The following COL5A2 variants were observed in gnomAD, a reference collection of about 807,000 sequenced individuals.
The protein encoded by COL5A2 is collagen alpha-2(V) chain.
In COL5A2, 23 loss-of-function variants were observed where a neutral mutation model predicts 208.2. The observed-to-expected ratio is 0.11, with a 90% confidence interval of 0.08 to 0.16. COL5A2 has a LOEUF of 0.16. COL5A2 is among the 10% of genes least tolerant of loss of function. COL5A2 has a pLI of 1.00. For synonymous variants in COL5A2, 625 were observed against 628.5 expected (o/e 0.99, Z 0.08); for missense variants, 1,590 against 1,956.4 (o/e 0.81, Z 3.53).
intron 2 of COL5A2, among the ~76,000 whole-genome samples, chr2:189,107,619 A>G (rs1687176952): frequency 6.6e-6 from 1 of 151,536 alleles, no homozygotes; most frequent in Admixed American, 6.6e-5. Context: ...TGCTAAATGC[A>G]CATACTTTTA....
the COL5A2 span, among the ~76,000 whole-genome samples, chr2:189,413,779 C>A: frequency 7.7e-6 from 1 of 130,464 alleles, no homozygotes; most frequent in Admixed American, 8.6e-5. Flanking sequence ...GCTTCCTTGG[C>A]GTCATTTTTT....
At chr2:189,172,955 C>A (rs1424125628) in intron 1 of COL5A2, among the ~76,000 whole-genome samples, 4 of 142,378 alleles carry the variant, frequency 2.8e-5, no homozygotes, top group South Asian at 2.2e-4. Flanking sequence ...ATATTGTTAA[C>A]ATTTTTCCTC....
chr2:189,386,235 C>G, the COL5A2 span, among the ~76,000 whole-genome samples: 1 of 152,024 alleles, frequency 6.6e-6, no homozygotes, highest in African/African-American at 2.4e-5. Flanking sequence ...AAAAAGACCC[C>G]CTAATCAATA....
the COL5A2 span, among the ~76,000 whole-genome samples, chr2:189,269,428 T>C: frequency 1.3e-5 from 2 of 152,140 alleles, no homozygotes; most frequent in South Asian, 2.1e-4. Flanking sequence ...CTCTAGTTTA[T>C]TGAGAGTTTT....
chr2:189,258,658 G>A, the COL5A2 span, among the ~76,000 whole-genome samples: 1 of 152,168 alleles, frequency 6.6e-6, no homozygotes, highest in Non-Finnish European at 1.5e-5. Context: ...TTGAGTCTGT[G>A]TGGGAGACTT....
Position 189,036,813 on chromosome 2 carries a change from A to C in COL5A2, c.3926-10T>G. ...TCAATCCAGTATTCACCTATTTTTC[A>C]AAATAGAAATTTTACTAAATAAAGA... On this transcript the variant is annotated splice_polypyrimidine_tract_variant and intron_variant, in intron 51 of 53. Transcript: ENST00000374866. The C allele has an allele frequency of 6.3e-7, 1 of 1,599,796 alleles. No homozygotes were observed. Among genetic ancestry groups the C allele is most frequent in the South Asian group, 1.1e-5 (1 of 89,958 alleles).
chr2:189,397,798 A>C, the COL5A2 span, among the ~76,000 whole-genome samples: 1 of 151,810 alleles, frequency 6.6e-6, no homozygotes, highest in African/African-American at 2.4e-5. Flanking sequence ...CTTGTTTTCT[A>C]TTTTATTAAT....
chr2:189,309,793 G>A, the COL5A2 span, among the ~76,000 whole-genome samples: 1 of 152,262 alleles, frequency 6.6e-6, no homozygotes, highest in Non-Finnish European at 1.5e-5. Context: ...CCAGACTTTT[G>A]TCTGTGCTTC....
At chr2:189,275,039 A>C in the COL5A2 span, among the ~76,000 whole-genome samples, 1 of 152,102 alleles carries the variant, frequency 6.6e-6, no homozygotes, top group African/African-American at 2.4e-5. Context: ...TCTAGAAAAA[A>C]GGATCCTTAA....
intron 24 of COL5A2, 123 bp from the exon 25 acceptor site, chr2:189,064,778 T>C (rs1197092866): frequency 2.3e-6 from 2 of 853,316 alleles, no homozygotes; most frequent in Non-Finnish European, 3.9e-6. Flanking sequence ...GGCACTGATA[T>C]AACGTATAAA....
At chr2:189,144,976 T>C (rs928072093) in intron 1 of COL5A2, among the ~76,000 whole-genome samples, 1 of 152,158 alleles carries the variant, frequency 6.6e-6, no homozygotes, top group Admixed American at 6.6e-5. Context: ...GTTCCAATGA[T>C]CCTTTCTGAA....
At chr2:189,337,752 T>C in the COL5A2 span, among the ~76,000 whole-genome samples, 2 of 150,046 alleles carry the variant, frequency 1.3e-5, 1 homozygote, top group South Asian at 4.2e-4. Context: ...TGAGAAGAAA[T>C]CAAAGTAAAC....
At chr2:189,150,601 G>A (rs1688123693) in intron 1 of COL5A2, among the ~76,000 whole-genome samples, 1 of 152,008 alleles carries the variant, frequency 6.6e-6, no homozygotes. Flanking sequence ...ATCAAGCTTG[G>A]ATTTCTTGAT....
chr2:189,254,044 T>C, the COL5A2 span, among the ~76,000 whole-genome samples: 4 of 152,266 alleles, frequency 2.6e-5, no homozygotes, highest in Non-Finnish European at 5.9e-5. Flanking sequence ...CTGATTCTCC[T>C]TGTAGTCAAT....
the COL5A2 span, among the ~76,000 whole-genome samples, chr2:189,319,117 G>C: frequency 2.0e-5 from 3 of 152,108 alleles, no homozygotes; most frequent in Non-Finnish European, 4.4e-5. Context: ...AACAAACATG[G>C]ATATGGCATG....
chr2:189,269,633 G>A, the COL5A2 span, among the ~76,000 whole-genome samples: 1 of 152,102 alleles, frequency 6.6e-6, no homozygotes, highest in Non-Finnish European at 1.5e-5. Flanking sequence ...GATGGATTTG[G>A]TTTGCCAATA....
intron 49 of COL5A2, among the ~76,000 whole-genome samples, chr2:189,042,056 T>C (rs1480773518): frequency 6.6e-6 from 1 of 152,232 alleles, no homozygotes; most frequent in Non-Finnish European, 1.5e-5. Flanking sequence ...TCTGTGCTTA[T>C]GCCTCAGAAT....
At chr2:189,053,368 C>A (rs1236243796) in intron 38 of COL5A2, 56 bp downstream of exon 38, 7 of 1,432,810 alleles carry the variant, frequency 4.9e-6, no homozygotes, top group Non-Finnish European at 4.9e-6. Flanking sequence ...GATCATTAAA[C>A]TTATTATAAC....
chr2:189,064,827 C>T (rs531313778), intron 24 of COL5A2, among the ~76,000 whole-genome samples, 172 bp from the exon 25 acceptor site: 1 of 152,148 alleles, frequency 6.6e-6, no homozygotes, highest in Admixed American at 6.5e-5. Flanking sequence ...ATCCTTCCCC[C>T]CTATGCCTCT....
Sources: gnomAD v4.1 joint callset for allele counts (sites outside exome capture counted in the v4.1 genomes callset) on GRCh38, gnomAD v4.1.1 for gene constraint, MANE v1.5 for transcripts, NCBI Gene and HGNC (gene_info 2026-07-23, HGNC 2026-07-21) for gene names.